ARHGAP18: variants seen among roughly 807,000 people sequenced by gnomAD.
ARHGAP18 encodes the protein rho GTPase-activating protein 18.
ARHGAP18 carries 67 observed loss-of-function variants against 86.2 expected under a neutral mutation model. The observed-to-expected ratio is 0.78, with a 90% CI of 0.64 to 0.95. ARHGAP18 has a LOEUF of 0.95. ARHGAP18 is among the 40% of genes least tolerant of loss of function. The probability of loss-of-function intolerance (pLI) is 0.00; values close to 1 mark genes in which losing one functional copy is unlikely to be tolerated. For synonymous variants in ARHGAP18, 283 were observed against 280.4 expected (o/e 1.01, Z -0.09); for missense variants, 691 against 780.4 (o/e 0.89, Z 1.37).
chr6:129,695,625 A>G (rs1774602411), intron 1 of ARHGAP18, among the ~76,000 whole-genome samples: 1 of 152,190 alleles, frequency 6.6e-6, no homozygotes, highest in African/African-American at 2.4e-5. Context: ...GGGGATGGGA[A>G]AATTAGTGAA....
rs947529198 is a variant in ARHGAP18, at chr6:129,664,263, T to C, written c.114-22245A>G. 7.9e-5 allele frequency among the ~76,000 whole-genome samples: 12 copies of C among 152,212 alleles called. No individual in the cohort carries two copies. In the East Asian group the frequency reaches 1.9e-3, roughly 24 times the overall value. ...ATAAACATAGCAGGGGATGGGGAGATAGGACTGAACTGATGACCAGGTAGG... is the reference window on the plus strand; with the variant it reads ...ATAAACATAGCAGGGGATGGGGAGACAGGACTGAACTGATGACCAGGTAGG... On this transcript the variant is annotated intron_variant, in intron 1 of 14. Transcript: ENST00000368149.
chr6:129,708,376 G>A (rs529870777), intron 1 of ARHGAP18, among the ~76,000 whole-genome samples: 30 of 152,260 alleles, frequency 2.0e-4, no homozygotes, highest in African/African-American at 6.7e-4. Context: ...AGTGCCTCTT[G>A]GTTCTGCTTC....
intron 12 of ARHGAP18, among the ~76,000 whole-genome samples, chr6:129,597,527 C>T (rs193060458): frequency 1.2e-3 from 179 of 152,216 alleles, no homozygotes; most frequent in Non-Finnish European, 1.8e-3. Flanking sequence ...ATGCTTACTT[C>T]CTGTTTTGTA....
Position 129,641,882 on chromosome 6 carries a change from T to C in ARHGAP18, c.250A>G (p.Asn84Asp). Reference sequence around the variant, plus strand: ...CTGTTTTCACTAGATTTCTTGATGTTTTCTAGTTCTATCCAATAGTCTTCC... The same window carrying C: ...CTGTTTTCACTAGATTTCTTGATGTCTTCTAGTTCTATCCAATAGTCTTCC... ...SMEDYWIELE[N>D]IKKSSENSQE... The change falls in exon 2 of 15, where the codon AAC (asparagine) becomes GAC (aspartate). Residue 84 changes from asparagine to aspartate, a missense_variant. Coordinates refer to ENST00000368149, the MANE Select transcript of ARHGAP18 (RefSeq NM_033515.3). 1.2e-6 allele frequency: 2 copies of C among 1,614,018 alleles called. No individual in the cohort carries two copies. Among genetic ancestry groups the C allele is most frequent in the Non-Finnish European group, 1.7e-6 (2 of 1,179,926 alleles).
intron 1 of ARHGAP18, among the ~76,000 whole-genome samples, chr6:129,682,359 C>G (rs1213533433): frequency 6.6e-6 from 1 of 152,204 alleles, no homozygotes; most frequent in African/African-American, 2.4e-5. Context: ...GCCCCCTTGC[C>G]TCATTTCCCC....
intron 7 of ARHGAP18, 55 bp from the exon 8 acceptor site, chr6:129,611,665 C>A (rs561710214): frequency 3.5e-6 from 5 of 1,426,090 alleles, no homozygotes; most frequent in South Asian, 1.2e-5. Flanking sequence ...GGTACAATTC[C>A]GAATTTAACA....
chr6:129,670,326 G>A (rs1262610016), intron 1 of ARHGAP18, among the ~76,000 whole-genome samples: 1 of 152,096 alleles, frequency 6.6e-6, no homozygotes, highest in Admixed American at 6.6e-5. Flanking sequence ...TTTCTTATAT[G>A]GTAGGTGTCT....
At chr6:129,640,230 T>C (rs1773426867) in intron 2 of ARHGAP18, among the ~76,000 whole-genome samples, 1 of 152,156 alleles carries the variant, frequency 6.6e-6, no homozygotes, top group African/African-American at 2.4e-5. Flanking sequence ...AAGTAAAACT[T>C]AAACAATTTA....
At chr6:129,624,428 G>A (rs1472080069) in intron 5 of ARHGAP18, among the ~76,000 whole-genome samples, 1 of 152,104 alleles carries the variant, frequency 6.6e-6, no homozygotes, top group East Asian at 1.9e-4. Context: ...TACTCGGGAG[G>A]CTGAGGCAGG....
intron 1 of ARHGAP18, among the ~76,000 whole-genome samples, chr6:129,649,919 T>TG (rs1223697864): frequency 6.7e-6 from 1 of 150,158 alleles, no homozygotes; most frequent in Non-Finnish European, 1.5e-5. Flanking sequence ...TTTTTGTTTT[T>TG]TTTTTTTTTG....
At chr6:129,635,432 T>C (rs1773312653) in intron 3 of ARHGAP18, among the ~76,000 whole-genome samples, 1 of 152,174 alleles carries the variant, frequency 6.6e-6, no homozygotes, top group Non-Finnish European at 1.5e-5. Context: ...CAGCATCACT[T>C]TAATCCCCTG....
chr6:129,577,878 A>G lies in ARHGAP18; in HGVS notation c.*635T>C, dbSNP rs1387265193. On this transcript the variant is annotated 3_prime_UTR_variant, in exon 15 of 15. Coordinates refer to ENST00000368149, the MANE Select transcript of ARHGAP18 (RefSeq NM_033515.3). ...CAGTCCTATTTTCTTGGTCGCTGAT[A>G]CGGTTCTGTGAACATAAGTCAGATG... is the stretch of plus-strand genomic sequence containing the variant. 6.6e-6 allele frequency: 1 copy of G among 152,202 alleles called. No individual in the cohort carries two copies. Among genetic ancestry groups the G allele is most frequent in the Non-Finnish European group, 1.5e-5 (1 of 68,034 alleles). 9.4% of individuals were successfully genotyped at this position (152,202 alleles called of 1,614,324 possible).
chr6:129,641,727 A>C, intron 2 of ARHGAP18, 89 bp downstream of exon 2: 2 of 1,255,554 alleles, frequency 1.6e-6, no homozygotes, highest in Non-Finnish European at 2.2e-6. Context: ...TCCTAGCTTT[A>C]ATTTTTTTTT....
At chr6:129,632,943 T>C (rs1056034345) in intron 4 of ARHGAP18, among the ~76,000 whole-genome samples, 2 of 152,152 alleles carry the variant, frequency 1.3e-5, no homozygotes, top group African/African-American at 2.4e-5. Flanking sequence ...ACACTATTAA[T>C]GGCATGAACA....
chr6:129,707,429 TAGG>T (rs1774819295), intron 1 of ARHGAP18, among the ~76,000 whole-genome samples: 1 of 152,040 alleles, frequency 6.6e-6, no homozygotes, highest in South Asian at 2.1e-4. Flanking sequence ...TTTAAATGGG[TAGG>T]AGGAAATGCA....
intron 1 of ARHGAP18, among the ~76,000 whole-genome samples, chr6:129,704,718 T>C (rs948541618): frequency 6.6e-6 from 1 of 152,136 alleles, no homozygotes; most frequent in African/African-American, 2.4e-5. Context: ...TATTAAGCAG[T>C]ACCACTGCTT....
chr6:129,609,894 G>C (rs1167122577), intron 8 of ARHGAP18, among the ~76,000 whole-genome samples: 1 of 151,282 alleles, frequency 6.6e-6, no homozygotes, highest in Non-Finnish European at 1.5e-5. Flanking sequence ...AAAAAAAGCA[G>C]GTGATGCAAA....
chr6:129,644,533 C>T (rs1376788018), intron 1 of ARHGAP18, among the ~76,000 whole-genome samples: 1 of 151,190 alleles, frequency 6.6e-6, no homozygotes, highest in Non-Finnish European at 1.5e-5. Flanking sequence ...AGACAGATGC[C>T]TTATCCTTTT....
chr6:129,666,781 C>G (rs1774048713), intron 1 of ARHGAP18, among the ~76,000 whole-genome samples: 1 of 152,202 alleles, frequency 6.6e-6, no homozygotes, highest in African/African-American at 2.4e-5. Flanking sequence ...GTAAATACCA[C>G]ATCCTGGTTT....
Sources: gnomAD v4.1 joint callset for allele counts (sites outside exome capture counted in the v4.1 genomes callset) on GRCh38, gnomAD v4.1.1 for gene constraint, MANE v1.5 for transcripts, NCBI Gene and HGNC (gene_info 2026-07-23, HGNC 2026-07-21) for gene names.